The following PCYT1B variants were observed in gnomAD, a reference collection of about 807,000 sequenced individuals.
PCYT1B encodes phosphate cytidylyltransferase 1B, choline.
PCYT1B carries 10 observed loss-of-function variants against 26.4 expected under a neutral mutation model. That is an observed-to-expected ratio of 0.38 (90% CI 0.23 to 0.64). PCYT1B has a LOEUF of 0.64. Ranked by LOEUF, PCYT1B falls within the 30% of genes least tolerant of loss-of-function variation. The pLI is 0.56. For missense variants in PCYT1B, 161 were observed against 292.7 expected (o/e 0.55, Z 3.28); for synonymous variants, 131 against 108.4 (o/e 1.21, Z -1.29).
rs746376329 is a variant in PCYT1B at position 24,582,714 on chromosome X, C to G, written c.566-3256G>C. Among the ~76,000 whole-genome samples the G allele has an allele frequency of 5.2e-3, 578 of 112,179 alleles. 13 individuals carry two copies. The highest frequency in any genetic ancestry group is 0.049 in the Admixed American group (513 of 10,566). ...GATTTTGACACATAGTTCTGACAAG[C>G]AGAGCAGAGTGTTGTAAAGCTTAAG... On this transcript the variant is annotated intron_variant, in intron 5 of 7. Transcript: ENST00000379144.
intron 3 of PCYT1B, among the ~76,000 whole-genome samples, chrX:24,597,314 G>C (rs1422606557): frequency 9.1e-6 from 1 of 110,142 alleles, no homozygotes; most frequent in Non-Finnish European, 1.9e-5. Flanking sequence ...TAGTAGAGAC[G>C]GGGTTTCACC....
In PCYT1B at chrX:24,647,139, C is replaced by G; in HGVS notation, c.-34G>C. The G allele has an allele frequency of 8.3e-7, 1 of 1,202,158 alleles. No homozygotes were observed. Among genetic ancestry groups the G allele is most frequent in the Non-Finnish European group, 1.1e-6 (1 of 890,295 alleles). On this transcript the variant is annotated 5_prime_UTR_variant, in exon 1 of 8. Transcript: ENST00000379144. ...AATGCTCCCTCTAGCTCTACACCCT[C>G]AGAGAGTCTCCTCCCAGGCAGAGAA... is the stretch of plus-strand genomic sequence containing the variant.
chrX:24,579,451 G>A lies in PCYT1B; in HGVS notation c.573C>T (p.Phe191=), dbSNP rs1262747510. 4 of 1,205,700 alleles carry A rather than the reference G, an allele frequency of 3.3e-6. No individual in the cohort carries two copies. The highest frequency in any genetic ancestry group is 1.8e-5 in the African/African-American group (1 of 56,969). The change falls in exon 6 of 8, where the codon TTC becomes TTT. Residue 191 remains phenylalanine (F), a synonymous_variant. Coordinates refer to ENST00000379144, the MANE Select transcript of PCYT1B (RefSeq NM_004845.5). ...VYKHIKEAGM[F]VPTQRTEGIS... ...TGCCTTCTGTTCTCTGCGTTGGAAC[G>A]AACATCCCTGTTCAAGTAGAAAAGA...
chrX:24,599,798 G>A (rs1924901361), intron 3 of PCYT1B, among the ~76,000 whole-genome samples: 1 of 111,984 alleles, frequency 8.9e-6, no homozygotes, highest in Non-Finnish European at 1.9e-5. Flanking sequence ...AAAATAGCTT[G>A]TTATATGTTT....
At chrX:24,610,424 G>C (rs1454686032) in intron 2 of PCYT1B, among the ~76,000 whole-genome samples, 2 of 111,708 alleles carry the variant, frequency 1.8e-5, no homozygotes, top group Admixed American at 1.9e-4. Flanking sequence ...TCTAAATAAG[G>C]CACAGTAAAT....
chrX:24,652,969 C>T (rs1330178148), intron 1 of PCYT1B, among the ~76,000 whole-genome samples: 1 of 110,761 alleles, frequency 9.0e-6, no homozygotes, highest in Admixed American at 9.6e-5. Flanking sequence ...CCTGTAATCC[C>T]AGCTACTCGG....
At chrX:24,585,214 G>A (rs61761914) in intron 5 of PCYT1B, among the ~76,000 whole-genome samples, 2,993 of 111,058 alleles carry the variant, frequency 0.027, 56 homozygotes, top group African/African-American at 0.058. Flanking sequence ...CCAGGGGCAG[G>A]GGCAGGAAAG....
At chrX:24,609,692 A>G (rs1360697738) in intron 2 of PCYT1B, among the ~76,000 whole-genome samples, 1 of 112,351 alleles carries the variant, frequency 8.9e-6, no homozygotes, top group African/African-American at 3.2e-5. Context: ...AACATTATGG[A>G]AAGTTGACTG....
At chrX:24,613,290 A>G (rs1300302892) in intron 2 of PCYT1B, among the ~76,000 whole-genome samples, 2 of 112,471 alleles carry the variant, frequency 1.8e-5, no homozygotes, top group Non-Finnish European at 3.8e-5. Context: ...AAAAAGTGGC[A>G]CAAGTTAAGC....
chrX:24,587,541 T>C (rs1248623687), intron 4 of PCYT1B, among the ~76,000 whole-genome samples: 1 of 112,200 alleles, frequency 8.9e-6, no homozygotes, highest in Non-Finnish European at 1.9e-5. Context: ...TTTCTCTCCT[T>C]TGCTGGTCCC....
intron 7 of PCYT1B, among the ~76,000 whole-genome samples, chrX:24,572,757 T>G (rs1168618504): frequency 9.1e-6 from 1 of 110,266 alleles, no homozygotes; most frequent in Non-Finnish European, 1.9e-5. Context: ...TTGACACTAA[T>G]AGCAAGTTTT....
intron 1 of PCYT1B, among the ~76,000 whole-genome samples, chrX:24,665,603 T>C (rs1411011026): frequency 9.0e-6 from 1 of 111,493 alleles, no homozygotes; most frequent in East Asian, 2.8e-4. Flanking sequence ...ATTTTATTTT[T>C]CAATTAACTG....
intron 1 of PCYT1B, among the ~76,000 whole-genome samples, chrX:24,642,682 A>T (rs1052570846): frequency 7.1e-5 from 8 of 112,137 alleles, no homozygotes; most frequent in Admixed American, 6.7e-4. Flanking sequence ...GCAGAATTCC[A>T]GTTGACCACA....
chrX:24,631,008 T>C (rs996715236), intron 1 of PCYT1B, among the ~76,000 whole-genome samples: 7 of 111,297 alleles, frequency 6.3e-5, no homozygotes, highest in South Asian at 7.7e-4. Flanking sequence ...CTGCAAGCTC[T>C]GCCTCCTGGG....
intron 1 of PCYT1B, among the ~76,000 whole-genome samples, chrX:24,642,414 CTT>C (rs1569255769): frequency 2.7e-5 from 3 of 112,538 alleles, no homozygotes; most frequent in Non-Finnish European, 3.7e-5. Flanking sequence ...TACATGCACT[CTT>C]TTGATTTCTA....
intron 2 of PCYT1B, among the ~76,000 whole-genome samples, chrX:24,617,371 G>GTTTTTTTTTT (rs201674610): frequency 1.1e-3 from 89 of 80,085 alleles, no homozygotes; most frequent in Middle Eastern, 6.2e-3. Context: ...TGGTTTGTTT[G>GTTTTTTTTTT]TTTTTTTTTT....
At chrX:24,645,211 A>C (rs1362268810) in intron 1 of PCYT1B, among the ~76,000 whole-genome samples, 1 of 111,729 alleles carries the variant, frequency 9.0e-6, no homozygotes, top group Non-Finnish European at 1.9e-5. Context: ...AATGATGCAC[A>C]AACTGGAGCT....
intron 7 of PCYT1B, among the ~76,000 whole-genome samples, chrX:24,567,220 T>C (rs1923660850): frequency 8.9e-6 from 1 of 112,583 alleles, no homozygotes; most frequent in African/African-American, 3.2e-5. Flanking sequence ...TCTACTATAG[T>C]TTGAATCAAG....
chrX:24,595,670 A>G (rs1351967714), intron 3 of PCYT1B, among the ~76,000 whole-genome samples: 1 of 110,834 alleles, frequency 9.0e-6, no homozygotes, highest in Non-Finnish European at 1.9e-5. Context: ...ATTTGAGGTC[A>G]GGAATTCGAG....
Sources: gnomAD v4.1 joint callset for allele counts (sites outside exome capture counted in the v4.1 genomes callset) on GRCh38, gnomAD v4.1.1 for gene constraint, MANE v1.5 for transcripts, NCBI Gene and HGNC (gene_info 2026-07-23, HGNC 2026-07-21) for gene names.